Variants in ZNF407 observed in about 807,000 individuals in gnomAD.
ZNF407 encodes the protein zinc finger protein 407.
In ZNF407, 17 loss-of-function variants were observed where a neutral mutation model predicts 131.2. The observed-to-expected ratio is 0.13, with a 90% confidence interval of 0.09 to 0.19. The LOEUF (loss-of-function observed/expected upper bound fraction) is 0.19. ZNF407 is among the 10% of genes least tolerant of loss of function. The probability of loss-of-function intolerance (pLI) is 1.00; values close to 1 mark genes in which losing one functional copy is unlikely to be tolerated. For synonymous variants in ZNF407, 1,156 were observed against 1,062.0 expected (o/e 1.09, Z -1.72); for missense variants, 2,681 against 2,830.6 (o/e 0.95, Z 1.20).
chr18:74,794,687 T>A (rs1969887081), intron 4 of ZNF407, among the ~76,000 whole-genome samples: 1 of 152,160 alleles, frequency 6.6e-6, no homozygotes, highest in African/African-American at 2.4e-5. Flanking sequence ...TAAAAAATGG[T>A]CTGTATCTCC....
At chr18:75,033,211 G>T (rs1283174808) in intron 8 of ZNF407, among the ~76,000 whole-genome samples, 39 of 136,600 alleles carry the variant, frequency 2.9e-4, no homozygotes, top group South Asian at 5.0e-4. Context: ...TGCTCGGAAT[G>T]GGGGGAAGAT....
chr18:74,650,557 T>C (rs1985180451), intron 3 of ZNF407, among the ~76,000 whole-genome samples: 2 of 152,124 alleles, frequency 1.3e-5, no homozygotes, highest in Admixed American at 6.5e-5. Flanking sequence ...TCTTTCTAGG[T>C]AGTTTGGTTG....
At chr18:75,053,792 A>C (rs1293551573) in intron 8 of ZNF407, among the ~76,000 whole-genome samples, 1 of 152,200 alleles carries the variant, frequency 6.6e-6, no homozygotes, top group Non-Finnish European at 1.5e-5. Flanking sequence ...GTGGCCTGGC[A>C]CAGAGGCTCT....
chr18:74,757,712 G>A (rs1012462646), intron 3 of ZNF407, among the ~76,000 whole-genome samples: 1 of 151,916 alleles, frequency 6.6e-6, no homozygotes, highest in African/African-American at 2.4e-5. Flanking sequence ...TTCACATTAA[G>A]TCTATTTATT....
intron 8 of ZNF407, among the ~76,000 whole-genome samples, chr18:74,973,669 A>C (rs1972497438): frequency 6.6e-6 from 1 of 152,240 alleles, no homozygotes; most frequent in Non-Finnish European, 1.5e-5. Context: ...CTTAAGCAAC[A>C]GAAATGTATT....
intron 7 of ZNF407, among the ~76,000 whole-genome samples, chr18:74,897,473 T>G (rs1388963508): frequency 6.6e-6 from 1 of 152,208 alleles, no homozygotes; most frequent in Non-Finnish European, 1.5e-5. Flanking sequence ...AAACCTGCTG[T>G]TGTTGAATCG....
At chr18:74,676,685 T>G (rs12959304) in intron 3 of ZNF407, among the ~76,000 whole-genome samples, 3 of 151,958 alleles carry the variant, frequency 2.0e-5, no homozygotes, top group Non-Finnish European at 4.4e-5. Context: ...CTGCCCGCCT[T>G]GGCCTCCCAG....
intron 4 of ZNF407, among the ~76,000 whole-genome samples, chr18:74,863,745 A>G (rs145997872): frequency 1.6e-4 from 24 of 152,168 alleles, no homozygotes; most frequent in Non-Finnish European, 2.9e-4. Flanking sequence ...TTTAGATGAG[A>G]CTTTTCAGTT....
At chr18:74,852,195 ACACGCACGCACGCACG>A (rs1281616919) in intron 4 of ZNF407, among the ~76,000 whole-genome samples, 1 of 61,936 alleles carries the variant, frequency 1.6e-5, no homozygotes, top group African/African-American at 5.5e-5. Context: ...ACACACACAC[ACACGCACGCACGCACG>A]CGCACGCGCG....
intron 8 of ZNF407, among the ~76,000 whole-genome samples, chr18:75,043,224 G>T (rs1218030475): frequency 1.3e-5 from 2 of 152,174 alleles, no homozygotes; most frequent in Non-Finnish European, 2.9e-5. Context: ...TGGGTGTGTT[G>T]TGTATCTCAT....
intron 7 of ZNF407, among the ~76,000 whole-genome samples, chr18:74,917,122 A>G (rs924480176): frequency 1.3e-5 from 2 of 152,068 alleles, no homozygotes; most frequent in Admixed American, 1.3e-4. Context: ...ACCCATTGAA[A>G]TTGCAACCTT....
intron 8 of ZNF407, among the ~76,000 whole-genome samples, chr18:74,927,950 A>G (rs964747677): frequency 1.3e-5 from 2 of 152,130 alleles, no homozygotes; most frequent in African/African-American, 4.8e-5. Flanking sequence ...TAAATAATGT[A>G]TTTAAATTAT....
intron 3 of ZNF407, among the ~76,000 whole-genome samples, chr18:74,666,913 A>G (rs370011849): frequency 2.3e-5 from 3 of 133,150 alleles, no homozygotes; most frequent in African/African-American, 8.2e-5. Flanking sequence ...TGGTCACAGA[A>G]TATTTCTGTG....
chr18:75,037,960 A>G (rs1227612070), intron 8 of ZNF407, among the ~76,000 whole-genome samples: 4 of 152,288 alleles, frequency 2.6e-5, no homozygotes, highest in African/African-American at 9.6e-5. Flanking sequence ...ACACTAGATG[A>G]TTTTTTTGAG....
chr18:74,803,292 C>T (rs1170917420), intron 4 of ZNF407, among the ~76,000 whole-genome samples: 2 of 152,184 alleles, frequency 1.3e-5, no homozygotes, highest in Non-Finnish European at 2.9e-5. Flanking sequence ...TGGGTTTGTT[C>T]TTCCTGGCAC....
Position 74,849,523 on chromosome 18 carries a change from A to G in ZNF407, c.4878-27674A>G, listed in dbSNP as rs1387539619. 3.3e-5 allele frequency among the ~76,000 whole-genome samples: 5 copies of G among 151,206 alleles called. No homozygotes were observed. The East Asian group carries it at 9.7e-4, about 29-fold the overall frequency. Reference sequence around the variant, plus strand: ...TCTTTAGATGAGAAAGTGTGTGGTCAGGGGTGGGGGACGGGGAGTTGTCAG... The same window carrying G: ...TCTTTAGATGAGAAAGTGTGTGGTCGGGGGTGGGGGACGGGGAGTTGTCAG... On this transcript the variant is annotated intron_variant, in intron 4 of 8. Coordinates refer to ENST00000299687, the MANE Select transcript of ZNF407 (RefSeq NM_017757.3).
chr18:74,751,727 T>G (rs1053211633), intron 3 of ZNF407, among the ~76,000 whole-genome samples: 1 of 152,246 alleles, frequency 6.6e-6, no homozygotes, highest in Admixed American at 6.5e-5. Flanking sequence ...CCGCGTAGTA[T>G]TCCATGGTAT....
chr18:74,704,530 T>C (rs528687075), intron 3 of ZNF407, among the ~76,000 whole-genome samples: 2 of 152,194 alleles, frequency 1.3e-5, no homozygotes, highest in South Asian at 2.1e-4. Context: ...TTCTTTTTAA[T>C]ACATCACCTC....
chr18:74,877,075 T>G, intron 4 of ZNF407, 122 bp from the exon 5 acceptor site: 2 of 788,602 alleles, frequency 2.5e-6, no homozygotes, highest in South Asian at 3.2e-5. Context: ...AGACCAGGCC[T>G]GCAGTGCTCC....
Sources: gnomAD v4.1 joint callset for allele counts (sites outside exome capture counted in the v4.1 genomes callset) on GRCh38, gnomAD v4.1.1 for gene constraint, MANE v1.5 for transcripts, NCBI Gene and HGNC (gene_info 2026-07-23, HGNC 2026-07-21) for gene names.